GLYATL3: variants seen among roughly 807,000 people sequenced by gnomAD.
GLYATL3 encodes glycine N-acyltransferase-like protein 3.
In GLYATL3, 31 loss-of-function variants were observed where a neutral mutation model predicts 28.5. That is an observed-to-expected ratio of 1.09 (90% CI 0.82 to 1.47). The LOEUF is 1.47. Ranked by LOEUF, GLYATL3 falls within the 40% of genes most tolerant of loss-of-function variation. GLYATL3 has a pLI of 0.00. For missense variants in GLYATL3, 369 were observed against 351.5 expected (o/e 1.05, Z -0.40); for synonymous variants, 141 against 140.2 (o/e 1.01, Z -0.04).
chr6:49,512,262 TTTTCTTTTTTTTTTTTTC>T (rs1320965377), intron 2 of GLYATL3, among the ~76,000 whole-genome samples, 194 bp downstream of exon 2: 2 of 121,962 alleles, frequency 1.6e-5, no homozygotes, highest in Admixed American at 9.8e-5. Context: ...GGAATTACAC[TTTTCTTTTTTTTTTTTTC>T]TTTCTTTTTT....
intron 5 of GLYATL3, 103 bp from the exon 6 acceptor site, chr6:49,526,385 C>A (rs753214321): frequency 3.1e-5 from 31 of 986,714 alleles, no homozygotes; most frequent in Non-Finnish European, 4.1e-5. Context: ...TGCACTCCAG[C>A]CTGGGCGACA....
At chr6:49,524,027 C>T (rs1769359852) in intron 5 of GLYATL3, among the ~76,000 whole-genome samples, 1 of 150,516 alleles carries the variant, frequency 6.6e-6, no homozygotes, top group Non-Finnish European at 1.5e-5. Flanking sequence ...TAACTTCCCA[C>T]ACAACACTGA....
chr6:49,500,171 G>C (rs997584992), intron 1 of GLYATL3, 129 bp downstream of exon 1: 1 of 152,062 alleles, frequency 6.6e-6, no homozygotes, highest in Non-Finnish European at 1.5e-5. Flanking sequence ...TAGGTTTCAA[G>C]GAAAGATATA....
intron 2 of GLYATL3, among the ~76,000 whole-genome samples, chr6:49,514,427 A>G (rs1769176672): frequency 6.6e-6 from 1 of 152,238 alleles, no homozygotes; most frequent in African/African-American, 2.4e-5. Context: ...GGTGGTAAAA[A>G]GGATTCCTAT....
chr6:49,521,499 A>T, intron 4 of GLYATL3, 146 bp from the exon 5 acceptor site: 2 of 561,440 alleles, frequency 3.6e-6, no homozygotes, highest in Non-Finnish European at 5.9e-6. Context: ...GTAATAATTT[A>T]GATGTAAGTA....
At position 49,519,137 on chromosome 6, in the gene GLYATL3, C is replaced by A. The variant is rs192126424; in HGVS notation, c.313+1581C>A. ...TAACATGGAAATGAATAAATTTCCT[C>A]ATTGGTGTGAAAAATCATGGTAATA... On this transcript the variant is annotated intron_variant, in intron 4 of 5. Transcript: ENST00000371197. Among the ~76,000 whole-genome samples, 180 of 152,182 alleles carry A rather than the reference C, an allele frequency of 1.2e-3. 2 individuals are homozygous for A. The highest frequency in any genetic ancestry group is 0.012 in the Admixed American group (178 of 15,288).
At chr6:49,509,208 A>T (rs924492679) in intron 1 of GLYATL3, among the ~76,000 whole-genome samples, 1 of 152,190 alleles carries the variant, frequency 6.6e-6, no homozygotes, top group Non-Finnish European at 1.5e-5. Context: ...TCATTGTGGT[A>T]GTTATTTTCA....
At chr6:49,516,882 G>C (rs1769224920) in intron 3 of GLYATL3, among the ~76,000 whole-genome samples, 2 of 151,622 alleles carry the variant, frequency 1.3e-5, no homozygotes, top group South Asian at 4.2e-4. Context: ...AATCAGCTGA[G>C]CGCGGTGGCT....
intron 2 of GLYATL3, among the ~76,000 whole-genome samples, chr6:49,512,778 A>C (rs1236026481): frequency 6.6e-6 from 1 of 152,216 alleles, no homozygotes; most frequent in African/African-American, 2.4e-5. Flanking sequence ...TTGTGAACAC[A>C]GAGACTTGCA....
At chr6:49,511,265 T>C (rs1769117394) in intron 1 of GLYATL3, among the ~76,000 whole-genome samples, 1 of 152,190 alleles carries the variant, frequency 6.6e-6, no homozygotes, top group South Asian at 2.1e-4. Context: ...AAAAATCTAA[T>C]TGCATGAGAA....
intron 1 of GLYATL3, among the ~76,000 whole-genome samples, chr6:49,508,906 G>A (rs1351061975): frequency 6.6e-6 from 1 of 152,136 alleles, no homozygotes; most frequent in African/African-American, 2.4e-5. Flanking sequence ...GAACCTGGGA[G>A]GTGGAGGTTG....
chr6:49,508,764 C>A (rs1458364703), intron 1 of GLYATL3, among the ~76,000 whole-genome samples: 1 of 152,174 alleles, frequency 6.6e-6, no homozygotes, highest in African/African-American at 2.4e-5. Flanking sequence ...CACAATCCTG[C>A]ATGCAATTTT....
At chr6:49,516,973 C>G (rs202243890) in intron 3 of GLYATL3, among the ~76,000 whole-genome samples, 1 of 151,024 alleles carries the variant, frequency 6.6e-6, no homozygotes. Context: ...CTGGCCAACA[C>G]GGTGAAACCC....
intron 1 of GLYATL3, among the ~76,000 whole-genome samples, chr6:49,507,723 C>G (rs1413638031): frequency 6.6e-6 from 1 of 152,114 alleles, no homozygotes; most frequent in Non-Finnish European, 1.5e-5. Flanking sequence ...CAATGGGACT[C>G]TCTCTTTGTT....
chr6:49,502,882 G>A (rs574927477), intron 1 of GLYATL3, among the ~76,000 whole-genome samples: 1 of 152,284 alleles, frequency 6.6e-6, no homozygotes, highest in East Asian at 1.9e-4. Flanking sequence ...GCTACGGGAA[G>A]CCAAATACCT....
At chr6:49,512,674 A>G (rs566570725) in intron 2 of GLYATL3, among the ~76,000 whole-genome samples, 2 of 152,304 alleles carry the variant, frequency 1.3e-5, no homozygotes, top group Admixed American at 6.5e-5. Context: ...TGCCTTTAAG[A>G]GCTGAATTTC....
intron 1 of GLYATL3, among the ~76,000 whole-genome samples, chr6:49,501,247 T>TAA (rs35573693): frequency 2.9e-4 from 44 of 151,768 alleles, no homozygotes; most frequent in Admixed American, 2.6e-3. Flanking sequence ...ACTAAAAATA[T>TAA]AAAAAAAACT....
At chr6:49,516,741 C>G (rs897203741) in intron 3 of GLYATL3, among the ~76,000 whole-genome samples, 9 of 152,026 alleles carry the variant, frequency 5.9e-5, no homozygotes, top group Non-Finnish European at 1.2e-4. Context: ...CTACAGTCAG[C>G]TATGATTTCA....
chr6:49,507,048 G>A (rs1293525467), intron 1 of GLYATL3, among the ~76,000 whole-genome samples: 1 of 152,118 alleles, frequency 6.6e-6, no homozygotes, highest in African/African-American at 2.4e-5. Context: ...TAGAAGAAGA[G>A]TTAACATATA....
Sources: allele counts gnomAD v4.1 joint callset (sites outside exome capture counted in the v4.1 genomes callset), GRCh38; gene constraint gnomAD v4.1.1; transcripts MANE v1.5; gene names NCBI Gene and HGNC (gene_info 2026-07-23, HGNC 2026-07-21).